RASGRF2: variants seen among roughly 807,000 people sequenced by gnomAD.
RASGRF2 encodes Ras protein specific guanine nucleotide releasing factor 2, also known as ras-specific guanine nucleotide-releasing factor 2.
A neutral mutation model predicts 151.0 loss-of-function variants in RASGRF2; 76 were observed. The ratio of observed to expected loss-of-function variants is 0.50; its 90% CI spans 0.42 to 0.61. The LOEUF (loss-of-function observed/expected upper bound fraction) is 0.61, where lower values mean the gene tolerates loss of function less well. Among genes scored for constraint, RASGRF2 ranks in the 20% least tolerant of loss-of-function variants. The pLI is 0.00. For synonymous variants in RASGRF2, 504 were observed against 566.5 expected (o/e 0.89, Z 1.57); for missense variants, 1,148 against 1,564.6 (o/e 0.73, Z 4.49).
chr5:81,164,034 T>C (rs1252725588), intron 17 of RASGRF2, among the ~76,000 whole-genome samples: 9 of 152,236 alleles, frequency 5.9e-5, no homozygotes, highest in Non-Finnish European at 8.8e-5. Flanking sequence ...AAAATGGGGA[T>C]AACTCTGACT....
chr5:81,053,930 A>C (rs912473126), intron 2 of RASGRF2, among the ~76,000 whole-genome samples: 7 of 152,320 alleles, frequency 4.6e-5, no homozygotes, highest in African/African-American at 1.7e-4. Context: ...TCTTCTTTTG[A>C]GAAGTGTCTG....
At chr5:81,118,394 G>A (rs997740136) in intron 15 of RASGRF2, among the ~76,000 whole-genome samples, 6 of 152,250 alleles carry the variant, frequency 3.9e-5, no homozygotes, top group Non-Finnish European at 5.9e-5. Context: ...TAGTGTGGCT[G>A]AGGAGCACTG....
chr5:81,077,660 G>A (rs10514203), intron 5 of RASGRF2, among the ~76,000 whole-genome samples: 15,464 of 152,290 alleles, frequency 0.1, 984 homozygotes, highest in African/African-American at 0.18. Context: ...AGGCAGTACA[G>A]CATTCTGGTG....
chr5:81,072,981 T>C (rs183212332), intron 4 of RASGRF2, among the ~76,000 whole-genome samples: 1 of 152,372 alleles, frequency 6.6e-6, no homozygotes, highest in Non-Finnish European at 1.5e-5. Flanking sequence ...ATTTTAAAGA[T>C]GATCAGTAAA....
intron 2 of RASGRF2, among the ~76,000 whole-genome samples, chr5:81,057,233 C>T (rs1161135987): frequency 6.6e-6 from 1 of 152,162 alleles, no homozygotes; most frequent in Non-Finnish European, 1.5e-5. Flanking sequence ...CATTGATGGT[C>T]TTTACAATTT....
chr5:80,978,134 A>G (rs918909670), intron 1 of RASGRF2, among the ~76,000 whole-genome samples: 6 of 152,168 alleles, frequency 3.9e-5, no homozygotes, highest in Admixed American at 3.3e-4. Context: ...TAAAAATAAT[A>G]GGGTTTTCTT....
chr5:81,176,585 A>G (rs1434020485), intron 17 of RASGRF2, among the ~76,000 whole-genome samples: 1 of 152,096 alleles, frequency 6.6e-6, no homozygotes. Flanking sequence ...ATCATTGCAC[A>G]TGTGGACGGT....
At chr5:81,033,553 T>C (rs542148262) in intron 1 of RASGRF2, among the ~76,000 whole-genome samples, 16 of 145,026 alleles carry the variant, frequency 1.1e-4, no homozygotes, top group Admixed American at 7.8e-4. Context: ...GGGGAAAGGA[T>C]TCCCTATTTA....
intron 2 of RASGRF2, among the ~76,000 whole-genome samples, chr5:81,053,290 G>A (rs1383605615): frequency 2.0e-5 from 2 of 99,796 alleles, no homozygotes; most frequent in African/African-American, 4.2e-5. Context: ...CCCACCCCAT[G>A]ACAGGCCCCA....
intron 18 of RASGRF2, among the ~76,000 whole-genome samples, chr5:81,185,320 G>C (rs924087211): frequency 6.6e-6 from 1 of 152,232 alleles, no homozygotes; most frequent in African/African-American, 2.4e-5. Flanking sequence ...AAAGTGAAGA[G>C]TGGTGGATGC....
intron 13 of RASGRF2, among the ~76,000 whole-genome samples, 160 bp downstream of exon 13, chr5:81,109,238 G>A (rs1042899761): frequency 2.8e-4 from 42 of 152,166 alleles, no homozygotes; most frequent in African/African-American, 9.4e-4. Flanking sequence ...TTATAAATGA[G>A]ACTATCAAAA....
chr5:81,203,434 C>T (rs527654800), intron 19 of RASGRF2, among the ~76,000 whole-genome samples: 3 of 152,210 alleles, frequency 2.0e-5, no homozygotes, highest in Non-Finnish European at 2.9e-5. Context: ...TGACCTCAGA[C>T]GTCAGTCAGT....
chr5:81,194,764 G>A (rs1021088044), intron 18 of RASGRF2, among the ~76,000 whole-genome samples: 3 of 152,256 alleles, frequency 2.0e-5, no homozygotes, highest in African/African-American at 7.2e-5. Flanking sequence ...GCAGATGGAC[G>A]CCCTCCTCAA....
Position 81,225,851 on chromosome 5 carries a change from G to A in RASGRF2, c.*81G>A. The A allele has an allele frequency of 1.4e-6, 2 of 1,437,200 alleles. No individual in the cohort carries two copies. Among genetic ancestry groups the A allele is most frequent in the South Asian group, 1.4e-5 (1 of 73,944 alleles). The allele number at this position is 1,437,200 out of a possible 1,614,324, so 89.0% of individuals were successfully genotyped here. A position where few individuals can be genotyped will look rare whatever the true frequency, so the allele number is the denominator to read the frequency against. On this transcript the variant is annotated 3_prime_UTR_variant, in exon 27 of 27. Coordinates refer to ENST00000265080, the MANE Select transcript of RASGRF2 (RefSeq NM_006909.3). ...AATTGTGTATGCCTTGCCTATCACG[G>A]TACAGCACGAAGCCAGGCTCCTTTC...
chr5:80,969,155 G>C (rs1747820966), intron 1 of RASGRF2, among the ~76,000 whole-genome samples: 1 of 127,198 alleles, frequency 7.9e-6, no homozygotes, highest in East Asian at 2.2e-4. Context: ...TTTTAAGTTG[G>C]AGTCTCGCTC....
chr5:81,168,410 A>G (rs1754565893), intron 17 of RASGRF2, among the ~76,000 whole-genome samples: 1 of 147,552 alleles, frequency 6.8e-6, no homozygotes, highest in South Asian at 2.1e-4. Context: ...TCCTGAATTC[A>G]AGCAATTCTT....
chr5:81,168,088 C>T (rs951585110), intron 17 of RASGRF2, among the ~76,000 whole-genome samples: 1 of 151,996 alleles, frequency 6.6e-6, no homozygotes, highest in Non-Finnish European at 1.5e-5. Flanking sequence ...CCACTGATTT[C>T]GCCAGCACAC....
At chr5:81,122,816 A>G (rs1035471797) in intron 15 of RASGRF2, among the ~76,000 whole-genome samples, 7 of 152,222 alleles carry the variant, frequency 4.6e-5, no homozygotes, top group Non-Finnish European at 8.8e-5. Context: ...GCATAGAAAC[A>G]TCATTAGTAA....
chr5:81,028,709 G>A (rs1750126258), intron 1 of RASGRF2, among the ~76,000 whole-genome samples: 1 of 152,218 alleles, frequency 6.6e-6, no homozygotes, highest in Non-Finnish European at 1.5e-5. Flanking sequence ...AATAGGAACA[G>A]CTGCAGTCTA....
Sources: allele counts gnomAD v4.1 joint callset (sites outside exome capture counted in the v4.1 genomes callset), GRCh38; gene constraint gnomAD v4.1.1; transcripts MANE v1.5; gene names NCBI Gene and HGNC (gene_info 2026-07-23, HGNC 2026-07-21).